RTN4: variants seen among roughly 807,000 people sequenced by gnomAD.
RTN4 encodes reticulon 4.
RTN4 carries 32 observed loss-of-function variants against 90.4 expected under a neutral mutation model. The observed-to-expected ratio is 0.35, with a 90% CI of 0.27 to 0.48. RTN4 has a LOEUF of 0.48. RTN4 is among the 20% of genes least tolerant of loss of function. The pLI is 0.99. For missense variants in RTN4, 1,706 were observed against 1,430.2 expected (o/e 1.19, Z -3.11); for synonymous variants, 629 against 552.5 (o/e 1.14, Z -1.94).
chr2:55,126,956 AAAT>A, the RTN4 span, among the ~76,000 whole-genome samples: 1 of 152,202 alleles, frequency 6.6e-6, no homozygotes, highest in Non-Finnish European at 1.5e-5. Flanking sequence ...AGTGGCAGCT[AAAT>A]AATAATAACT....
intron 3 of RTN4, among the ~76,000 whole-genome samples, chr2:55,024,331 G>A (rs77680134): frequency 0.057 from 8,709 of 152,200 alleles, 779 homozygotes; most frequent in African/African-American, 0.19. Context: ...GTCTACCACT[G>A]TTCCAATGGT....
At chr2:55,072,719 T>C (rs978679531) in intron 2 of RTN4, among the ~76,000 whole-genome samples, 1 of 152,232 alleles carries the variant, frequency 6.6e-6, no homozygotes, top group African/African-American at 2.4e-5. Flanking sequence ...CCTAATGATA[T>C]TCGATATGCA....
intron 1 of RTN4, chr2:55,049,021 G>A (rs1480227169): frequency 5.0e-6 from 4 of 805,320 alleles, no homozygotes; most frequent in East Asian, 2.5e-4. Context: ...GCTCGGTTTA[G>A]CTGGTGGGGA....
At chr2:54,987,969 T>C (rs1357958542) in intron 3 of RTN4, among the ~76,000 whole-genome samples, 2 of 152,206 alleles carry the variant, frequency 1.3e-5, no homozygotes, top group Non-Finnish European at 2.9e-5. Context: ...TACACAATGA[T>C]TAAATGTCTC....
Position 54,987,462 on chromosome 2 carries a change from A to G in RTN4, c.3221+29T>C, listed in dbSNP as rs557795176. 7.5e-6 allele frequency: 11 copies of G among 1,464,742 alleles called. No individual in the cohort carries two copies. The East Asian group carries it at 9.1e-5, about 12-fold the overall frequency. The allele number at this position is 1,464,742 out of a possible 1,614,324, so 90.7% of individuals were successfully genotyped here. On this transcript the variant is annotated intron_variant, in intron 4 of 8. Coordinates refer to ENST00000337526, the MANE Select transcript of RTN4 (RefSeq NM_020532.5). ...ACCAATCCTGTTTACACTATTGCCAATGCATGCCTTGTTTTCCAGACATCT... is the reference window on the plus strand; with the variant it reads ...ACCAATCCTGTTTACACTATTGCCAGTGCATGCCTTGTTTTCCAGACATCT...
At chr2:55,069,722 G>C (rs906309807) in intron 2 of RTN4, among the ~76,000 whole-genome samples, 1 of 152,138 alleles carries the variant, frequency 6.6e-6, no homozygotes, top group Non-Finnish European at 1.5e-5. Flanking sequence ...GACATTCCTG[G>C]GGGCACCTGC....
chr2:55,071,334 C>G (rs1668508888), intron 2 of RTN4, among the ~76,000 whole-genome samples: 1 of 151,870 alleles, frequency 6.6e-6, no homozygotes, highest in Non-Finnish European at 1.5e-5. Context: ...TCCCTACCTT[C>G]TGTACGGGTG....
intron 3 of RTN4, among the ~76,000 whole-genome samples, chr2:54,997,295 A>T (rs1679505196): frequency 2.6e-5 from 4 of 152,170 alleles, no homozygotes; most frequent in Admixed American, 1.3e-4. Context: ...GCAAACCAAA[A>T]CCACAATGAG....
intron 3 of RTN4, among the ~76,000 whole-genome samples, chr2:55,011,185 A>C (rs1680602249): frequency 6.6e-6 from 1 of 151,968 alleles, no homozygotes; most frequent in East Asian, 1.9e-4. Context: ...ATGCCCAGTT[A>C]ATTTTTTATT....
intron 1 of RTN4, among the ~76,000 whole-genome samples, chr2:55,091,640 C>A (rs908069142): frequency 2.6e-5 from 4 of 152,154 alleles, no homozygotes; most frequent in Non-Finnish European, 4.4e-5. Context: ...CCTGCCTGGG[C>A]AATATAGCAG....
intron 1 of RTN4, among the ~76,000 whole-genome samples, chr2:55,112,288 A>C (rs1365294177): frequency 1.3e-5 from 2 of 152,086 alleles, no homozygotes; most frequent in African/African-American, 4.8e-5. Flanking sequence ...TGCCTCATCT[A>C]CCCCCGGACA....
In RTN4 at chr2:55,026,690, G is replaced by C; in HGVS notation, c.1409C>G (p.Ala470Gly). 2 of 1,613,670 alleles carry C rather than the reference G, an allele frequency of 1.2e-6. No individual in the cohort carries two copies. Among genetic ancestry groups the C allele is most frequent in the East Asian group, 2.2e-5 (1 of 44,858 alleles). Residue 470 changes from alanine (A) to glycine (G), a missense_variant, in exon 3 of 9, where the codon GCA becomes GGA. By Grantham distance (60) the Ala-to-Gly change is moderately conservative. Transcript: ENST00000337526. ...AYITCAPFNP[A>G]ATESIATNIF... ...GTTTGTTGCAATGCTCTCAGTTGCT[G>C]CTGGGTTAAAGGGAGCACATGTGAT...
chr2:55,046,102 C>CA (rs1437312794), intron 1 of RTN4, among the ~76,000 whole-genome samples: 1 of 151,586 alleles, frequency 6.6e-6, no homozygotes, highest in East Asian at 2.1e-4. Context: ...ACGTAAACAG[C>CA]AATGTTAAAC....
chr2:55,068,270 T>C (rs1668429352), intron 2 of RTN4, among the ~76,000 whole-genome samples: 1 of 152,220 alleles, frequency 6.6e-6, no homozygotes, highest in Non-Finnish European at 1.5e-5. Context: ...AATCCATTGG[T>C]CTGTCTTGCA....
At chr2:54,987,754 G>C (rs1001417085) in intron 3 of RTN4, 56 bp from the exon 4 acceptor site, 54 of 1,446,022 alleles carry the variant, frequency 3.7e-5, no homozygotes, top group Non-Finnish European at 4.7e-5. Flanking sequence ...ATTTGGATTT[G>C]CTCCATCTAT....
intron 3 of RTN4, among the ~76,000 whole-genome samples, chr2:55,012,242 G>C (rs115067757): frequency 6.6e-6 from 1 of 152,054 alleles, no homozygotes; most frequent in African/African-American, 2.4e-5. Context: ...GTCTGAGAGG[G>C]GCAAGAATGT....
chr2:55,036,948 T>C (rs1682734152), intron 1 of RTN4, among the ~76,000 whole-genome samples: 1 of 152,134 alleles, frequency 6.6e-6, no homozygotes, highest in South Asian at 2.1e-4. Flanking sequence ...TAAAACTATC[T>C]TAACTTACAG....
chr2:55,014,521 C>CT (rs1558805242), intron 3 of RTN4: 2 of 140,822 alleles, frequency 1.4e-5, no homozygotes, highest in Non-Finnish European at 3.1e-5. Context: ...CTGAAGCAAG[C>CT]ATTTTTTTTT....
chr2:55,020,708 A>G (rs1681364694), intron 3 of RTN4, among the ~76,000 whole-genome samples: 1 of 152,164 alleles, frequency 6.6e-6, no homozygotes, highest in Admixed American at 6.6e-5. Flanking sequence ...ACAAAATGTC[A>G]TTTTAAGAAA....
Sources: allele counts gnomAD v4.1 joint callset (sites outside exome capture counted in the v4.1 genomes callset), GRCh38; gene constraint gnomAD v4.1.1; transcripts MANE v1.5; gene names NCBI Gene and HGNC (gene_info 2026-07-23, HGNC 2026-07-21).